Variants in RAD51B observed in about 807,000 individuals in gnomAD.
RAD51B encodes RAD51 paralog B, also known as DNA repair protein RAD51 homolog 2.
In RAD51B, 38 loss-of-function variants were observed where a neutral mutation model predicts 42.2. The observed-to-expected ratio is 0.90, with a 90% CI of 0.70 to 1.18. RAD51B has a LOEUF of 1.18. Among genes scored for constraint, RAD51B ranks in the 50% most tolerant of loss-of-function variants. The pLI is 0.00. For synonymous variants in RAD51B, 154 were observed against 145.2 expected (o/e 1.06, Z -0.43); for missense variants, 373 against 400.7 (o/e 0.93, Z 0.59).
chr14:68,339,040 T>C, intron 8 of RAD51B: 1 of 665,316 alleles, frequency 1.5e-6, no homozygotes, highest in Non-Finnish European at 2.8e-6. Context: ...GCCAGCTCGA[T>C]GGGATCGACA....
chr14:68,380,479 G>A (rs773808860), intron 8 of RAD51B, among the ~76,000 whole-genome samples: 3 of 152,176 alleles, frequency 2.0e-5, no homozygotes, highest in Non-Finnish European at 4.4e-5. Context: ...CTGCCAGGTA[G>A]TTTTCATCAG....
intron 8 of RAD51B, among the ~76,000 whole-genome samples, chr14:68,379,898 C>A (rs1333181839): frequency 1.3e-5 from 2 of 152,246 alleles, no homozygotes; most frequent in African/African-American, 4.8e-5. Flanking sequence ...GATCCACTCA[C>A]CCTCTTCCGC....
chr14:68,499,597 GT>G (rs1258034927), intron 10 of RAD51B, among the ~76,000 whole-genome samples: 1 of 152,192 alleles, frequency 6.6e-6, no homozygotes, highest in Non-Finnish European at 1.5e-5. Flanking sequence ...CTTTGCAGAG[GT>G]AATTAAGGAT....
At chr14:68,476,623 C>T (rs1030289993) in intron 10 of RAD51B, among the ~76,000 whole-genome samples, 1 of 152,192 alleles carries the variant, frequency 6.6e-6, no homozygotes, top group African/African-American at 2.4e-5. Context: ...CAGCAACTAC[C>T]AGGACAGGCT....
chr14:68,350,461 G>C (rs1484958004), intron 8 of RAD51B, among the ~76,000 whole-genome samples: 1 of 152,228 alleles, frequency 6.6e-6, no homozygotes, highest in East Asian at 1.9e-4. Flanking sequence ...GCATCTGCAT[G>C]TTACTATAGC....
intron 1 of RAD51B, among the ~76,000 whole-genome samples, chr14:67,820,814 C>T (rs920247688): frequency 6.6e-6 from 1 of 151,982 alleles, no homozygotes; most frequent in Non-Finnish European, 1.5e-5. Flanking sequence ...CTCCCCGAGT[C>T]CTTTAACCTC....
chr14:67,931,370 A>G (rs1022189099), intron 7 of RAD51B, among the ~76,000 whole-genome samples: 1 of 151,326 alleles, frequency 6.6e-6, no homozygotes, highest in South Asian at 2.1e-4. Flanking sequence ...TTTTTATTCT[A>G]TCACTGTGGT....
In RAD51B at chr14:68,170,188, A is replaced by G. The variant is rs377133109; in HGVS notation, c.757-121696A>G. ...CTACTTGAATTTGCTATATTTCTTTATTTCCTAGGAAAATGTTGGTGGTTT... is the reference window on the plus strand; with the variant it reads ...CTACTTGAATTTGCTATATTTCTTTGTTTCCTAGGAAAATGTTGGTGGTTT... On this transcript the variant is annotated intron_variant, in intron 7 of 10. Coordinates refer to ENST00000471583, the MANE Select transcript of RAD51B (RefSeq NM_133510.4). 2.0e-5 allele frequency among the ~76,000 whole-genome samples: 3 copies of G among 152,218 alleles called. No individual in the cohort carries two copies. The East Asian group carries it at 5.8e-4, about 29-fold the overall frequency.
chr14:67,895,169 T>C (rs2043370542), intron 7 of RAD51B, among the ~76,000 whole-genome samples: 1 of 152,232 alleles, frequency 6.6e-6, no homozygotes, highest in South Asian at 2.1e-4. Context: ...TAAAGTTGTA[T>C]GCTAAGAAAA....
At position 68,384,549 on chromosome 14, in the gene RAD51B, C is replaced by T. The variant is rs548792414; in HGVS notation, c.854-26875C>T. On this transcript the variant is annotated intron_variant, in intron 8 of 10. Coordinates refer to ENST00000471583, the MANE Select transcript of RAD51B (RefSeq NM_133510.4). ...GGCTGGCATGTCTGGCCTAAGTGTA[C>T]ACTCACGTCATTTATCACATCCTCT... 2.0e-5 allele frequency among the ~76,000 whole-genome samples: 3 copies of T among 152,338 alleles called. No individual in the cohort carries two copies. In the South Asian group the frequency reaches 6.2e-4, roughly 32 times the overall value.
intron 10 of RAD51B, among the ~76,000 whole-genome samples, chr14:68,634,831 T>A (rs1892309905): frequency 6.6e-6 from 1 of 151,966 alleles, no homozygotes; most frequent in South Asian, 2.1e-4. Context: ...GGCTTTGGTG[T>A]GAAGGGAGAT....
intron 7 of RAD51B, among the ~76,000 whole-genome samples, chr14:68,270,282 G>A (rs2081080221): frequency 6.6e-6 from 1 of 152,222 alleles, no homozygotes; most frequent in African/African-American, 2.4e-5. Context: ...TTCACTGAAG[G>A]CCATTCATAG....
intron 10 of RAD51B, among the ~76,000 whole-genome samples, chr14:68,570,880 C>CAT (rs1486308679): frequency 1.8e-4 from 27 of 150,958 alleles, no homozygotes; most frequent in African/African-American, 6.6e-4. Flanking sequence ...GCGCCACACA[C>CAT]ACACACACAC....
chr14:68,673,117 C>T (rs956949583), intron 11 of RAD51B, among the ~76,000 whole-genome samples: 13 of 152,206 alleles, frequency 8.5e-5, no homozygotes, highest in African/African-American at 2.7e-4. Context: ...CCAAGTCCAA[C>T]ATTTAGAAGC....
rs138546641 is a variant in RAD51B at position 68,497,386 on chromosome 14, A to G, written c.1036+29136A>G. Reference sequence around the variant, plus strand: ...CTGATTTGATACCATGGCACTGACAATGGGCACTGATTTGATACCATGGCA... The same window carrying G: ...CTGATTTGATACCATGGCACTGACAGTGGGCACTGATTTGATACCATGGCA... On this transcript the variant is annotated intron_variant, in intron 10 of 10. Transcript: ENST00000487270. 2,777 of 1,186,930 alleles carry G rather than the reference A, an allele frequency of 2.3e-3. 10 individuals carry two copies. The highest frequency in any genetic ancestry group is 5.9e-3 in the Middle Eastern group (25 of 4,210). The allele number at this position is 1,186,930 out of a possible 1,614,324, so 73.5% of individuals were successfully genotyped here.
intron 8 of RAD51B, among the ~76,000 whole-genome samples, chr14:68,362,757 G>C (rs922215168): frequency 6.6e-6 from 1 of 152,040 alleles, no homozygotes; most frequent in African/African-American, 2.4e-5. Flanking sequence ...GCTGAGGCAA[G>C]AGAATTGCTT....
Position 68,147,804 on chromosome 14 carries a change from TAAAA to T in RAD51B, c.757-144070_757-144067del, listed in dbSNP as rs11398164. Among the ~76,000 whole-genome samples, 147 of 145,234 alleles carry T rather than the reference TAAAA, an allele frequency of 1.0e-3. 1 individual carries two copies. Among genetic ancestry groups the T allele is most frequent in the African/African-American group, 3.6e-3 (145 of 39,782 alleles). On this transcript the variant is annotated intron_variant, in intron 7 of 10. Transcript: ENST00000471583. Reference sequence around the variant, plus strand: ...CCAAAAAAGATAAAGCAAGGGAAATTAAAAAAAAAAAAAGAGCTTTATTGAGTTA... The same window carrying T: ...CCAAAAAAGATAAAGCAAGGGAAATTAAAAAAAAAGAGCTTTATTGAGTTA...
At chr14:68,595,625 A>T in exon 11 of RAD51B, 1 of 1,059,648 alleles carries the variant, frequency 9.4e-7, no homozygotes, top group Non-Finnish European at 1.1e-6. Context: ...CCCAATGTCT[A>T]CATTGTGTTA....
chr14:68,174,035 T>C lies in RAD51B; in HGVS notation c.757-117849T>C, dbSNP rs549214861. On this transcript the variant is annotated intron_variant, in intron 7 of 10. Transcript: ENST00000471583. ...GATGTTTCCAGTGTACCATCAACTG[T>C]ATAGGTGATTAGCATTTGCCTATTA... Among the ~76,000 whole-genome samples the C allele has an allele frequency of 5.6e-4, 86 of 152,336 alleles. 1 individual carries two copies. Among genetic ancestry groups the C allele is most frequent in the South Asian group, 2.1e-3 (10 of 4,826 alleles).
Sources: gnomAD v4.1 joint callset for allele counts (sites outside exome capture counted in the v4.1 genomes callset) on GRCh38, gnomAD v4.1.1 for gene constraint, MANE v1.5 for transcripts, NCBI Gene and HGNC (gene_info 2026-07-23, HGNC 2026-07-21) for gene names.